The following MORC1 variants were observed in gnomAD, a reference collection of about 807,000 sequenced individuals.
MORC1 encodes MORC family CW-type zinc finger 1.
MORC1 carries 59 observed loss-of-function variants against 134.9 expected under a neutral mutation model. The ratio of observed to expected loss-of-function variants is 0.44; its 90% CI spans 0.35 to 0.54. MORC1 has a LOEUF of 0.54. Among genes scored for constraint, MORC1 ranks in the 20% least tolerant of loss-of-function variants. The probability of loss-of-function intolerance (pLI) is 0.00; values close to 1 mark genes in which losing one functional copy is unlikely to be tolerated. For missense variants in MORC1, 947 were observed against 1,134.5 expected, an observed-to-expected ratio of 0.83 and a Z score of 2.37; for synonymous variants, 395 against 391.7, an observed-to-expected ratio of 1.01 and a Z score of -0.10.
chr3:109,094,014 G>C (rs1280111636), intron 7 of MORC1, among the ~76,000 whole-genome samples: 1 of 152,170 alleles, frequency 6.6e-6, no homozygotes, highest in Admixed American at 6.5e-5. Context: ...GGGCCAGATA[G>C]TAAATATTTT....
At chr3:109,090,068 A>G (rs1950685853) in intron 8 of MORC1, among the ~76,000 whole-genome samples, 1 of 152,144 alleles carries the variant, frequency 6.6e-6, no homozygotes, top group Admixed American at 6.5e-5. Flanking sequence ...AGACTTGTGT[A>G]TCATGTGCAT....
At chr3:109,068,136 A>G (rs1477315169) in intron 9 of MORC1, among the ~76,000 whole-genome samples, 5 of 152,226 alleles carry the variant, frequency 3.3e-5, no homozygotes, top group Admixed American at 6.5e-5. Flanking sequence ...AGGCACATAT[A>G]TAAGTAGTGT....
chr3:109,057,968 T>C (rs1029371499), intron 12 of MORC1, among the ~76,000 whole-genome samples: 7 of 152,154 alleles, frequency 4.6e-5, no homozygotes, highest in Non-Finnish European at 7.4e-5. Context: ...ACAAGGTAAA[T>C]AAGTTATTAT....
chr3:109,113,741 C>T (rs1194326616), intron 2 of MORC1, among the ~76,000 whole-genome samples: 4 of 151,486 alleles, frequency 2.6e-5, no homozygotes, highest in Non-Finnish European at 4.4e-5. Context: ...AACTGTTTAA[C>T]GGGTTCCTTA....
chr3:109,064,864 A>G (rs536808784), intron 9 of MORC1, among the ~76,000 whole-genome samples: 25 of 152,242 alleles, frequency 1.6e-4, no homozygotes, highest in African/African-American at 5.8e-4. Flanking sequence ...TGTGCCTACT[A>G]TGATATGAAG....
At chr3:109,074,433 A>T (rs1356739270) in intron 8 of MORC1, among the ~76,000 whole-genome samples, 2 of 152,240 alleles carry the variant, frequency 1.3e-5, no homozygotes, top group African/African-American at 4.8e-5. Context: ...TGAAATGGAC[A>T]CATGGTCCTC....
intron 1 of MORC1, among the ~76,000 whole-genome samples, chr3:109,116,233 G>T (rs1231580608): frequency 6.6e-6 from 1 of 152,078 alleles, no homozygotes; most frequent in Non-Finnish European, 1.5e-5. Flanking sequence ...GCTCACTCTG[G>T]CAGCTTTCCA....
At position 109,070,698 on chromosome 3, in the gene MORC1, G is replaced by A. The variant is rs554436638; in HGVS notation, c.690-941C>T. Among the ~76,000 whole-genome samples the A allele has an allele frequency of 2.0e-5, 3 of 152,198 alleles. No individual in the cohort carries two copies. The South Asian group carries it at 6.2e-4, about 32-fold the overall frequency. ...TGGGAAAAAAAAAAATGTGAAGCCC[G>A]TCTAAAGGGGAACTACTCAACAGGT... is the stretch of plus-strand genomic sequence containing the variant. On this transcript the variant is annotated intron_variant, in intron 8 of 27. Coordinates refer to ENST00000232603, the MANE Select transcript of MORC1 (RefSeq NM_014429.4).
At chr3:108,963,144 G>A (rs1293668754) in intron 27 of MORC1, among the ~76,000 whole-genome samples, 2 of 148,542 alleles carry the variant, frequency 1.3e-5, no homozygotes, top group African/African-American at 2.5e-5. Flanking sequence ...AGCCAAGGTC[G>A]CGCCACTGCA....
At chr3:109,078,449 C>G (rs893896627) in intron 8 of MORC1, among the ~76,000 whole-genome samples, 9 of 151,902 alleles carry the variant, frequency 5.9e-5, no homozygotes, top group Non-Finnish European at 1.2e-4. Flanking sequence ...TAAAAAGCAA[C>G]TCTTGAATAA....
chr3:109,000,732 C>A, intron 20 of MORC1, 74 bp from the exon 21 acceptor site: 1 of 1,078,386 alleles, frequency 9.3e-7, no homozygotes, highest in Non-Finnish European at 1.4e-6. Flanking sequence ...TACCTTCACT[C>A]TTCATTCTGC....
intron 9 of MORC1, among the ~76,000 whole-genome samples, chr3:109,064,419 T>A (rs932880935): frequency 6.6e-6 from 1 of 152,192 alleles, no homozygotes; most frequent in African/African-American, 2.4e-5. Flanking sequence ...CAAGGCTTTG[T>A]GCTGCAGAAG....
chr3:109,104,835 CAT>C lies in MORC1; in HGVS notation c.155-920_155-919del, dbSNP rs370510866. 5.2e-3 allele frequency among the ~76,000 whole-genome samples: 785 copies of C among 150,568 alleles called. 15 individuals are homozygous for C. The highest frequency in any genetic ancestry group is 0.016 in the African/African-American group (654 of 40,868). On this transcript the variant is annotated intron_variant, in intron 3 of 27. Transcript: ENST00000232603. Reference sequence around the variant, plus strand: ...AATAATTTATGCACAATAAACTGCACATGTTTAAAGTGCACAATTTGACAAAT... The same window carrying C: ...AATAATTTATGCACAATAAACTGCACGTTTAAAGTGCACAATTTGACAAAT...
intron 14 of MORC1, among the ~76,000 whole-genome samples, chr3:109,051,210 A>G (rs1048159111): frequency 1.3e-5 from 2 of 152,222 alleles, no homozygotes; most frequent in African/African-American, 2.4e-5. Context: ...TAAATGACAC[A>G]AAGTCATTAC....
At chr3:109,103,735 C>T (rs2107785940) in intron 4 of MORC1, 114 bp downstream of exon 4, 1 of 915,790 alleles carries the variant, frequency 1.1e-6, no homozygotes, top group Non-Finnish European at 1.7e-6. Context: ...CTGGGGCTTA[C>T]TTTCTTTAAT....
At chr3:109,056,492 G>C (rs923599274) in intron 13 of MORC1, among the ~76,000 whole-genome samples, 1 of 152,190 alleles carries the variant, frequency 6.6e-6, no homozygotes, top group Non-Finnish European at 1.5e-5. Context: ...CTCCCAAAGC[G>C]CTGGGATTAC....
Position 108,958,532 on chromosome 3 carries a change from C to T in MORC1, c.*433G>A, listed in dbSNP as rs1039380867. On this transcript the variant is annotated 3_prime_UTR_variant, in exon 28 of 28. Coordinates refer to ENST00000232603, the MANE Select transcript of MORC1 (RefSeq NM_014429.4). ...CTATAGTGGAGAAAGGGCATAATGTCTTTCTTTTTCAATATCTTCAAGAGG... is the reference window on the plus strand; with the variant it reads ...CTATAGTGGAGAAAGGGCATAATGTTTTTCTTTTTCAATATCTTCAAGAGG... The T allele has an allele frequency of 6.6e-6, 1 of 152,028 alleles. No individual in the cohort carries two copies. The highest frequency in any genetic ancestry group is 2.4e-5 in the African/African-American group (1 of 41,410). 9.4% of individuals were successfully genotyped at this position (152,028 alleles called of 1,614,324 possible).
At chr3:109,093,224 C>A (rs1950763874) in intron 8 of MORC1, among the ~76,000 whole-genome samples, 1 of 152,104 alleles carries the variant, frequency 6.6e-6, no homozygotes, top group African/African-American at 2.4e-5. Flanking sequence ...AGATGAGGCC[C>A]CAGACCCTGT....
intron 1 of MORC1, among the ~76,000 whole-genome samples, chr3:109,115,302 C>T (rs1951245290): frequency 6.7e-6 from 1 of 150,110 alleles, no homozygotes; most frequent in African/African-American, 2.5e-5. Context: ...CACAGGACAA[C>T]ACTTTAGTTT....
Sources: allele counts gnomAD v4.1 joint callset (sites outside exome capture counted in the v4.1 genomes callset), GRCh38; gene constraint gnomAD v4.1.1; transcripts MANE v1.5; gene names NCBI Gene and HGNC (gene_info 2026-07-23, HGNC 2026-07-21).